The following RUNX2 variants were observed in gnomAD, a reference collection of about 807,000 sequenced individuals.
RUNX2 encodes RUNX family transcription factor 2, also known as runt-related transcription factor 2.
In RUNX2, 10 loss-of-function variants were observed where a neutral mutation model predicts 51.7. That is an observed-to-expected ratio of 0.19 (90% CI 0.12 to 0.33). RUNX2 has a LOEUF of 0.33. Ranked by LOEUF, RUNX2 falls within the 10% of genes least tolerant of loss-of-function variation. RUNX2 has a pLI of 1.00. For synonymous variants in RUNX2, 276 were observed against 273.6 expected (o/e 1.01, Z -0.09); for missense variants, 562 against 691.3 (o/e 0.81, Z 2.10).
intron 2 of RUNX2, among the ~76,000 whole-genome samples, chr6:45,373,782 A>C (rs1301847171): frequency 6.6e-6 from 1 of 152,048 alleles, no homozygotes; most frequent in East Asian, 1.9e-4. Context: ...CCAACTCCTG[A>C]CATCAAGTGA....
At chr6:45,543,805 A>G (rs534768151) in intron 7 of RUNX2, among the ~76,000 whole-genome samples, 7 of 152,168 alleles carry the variant, frequency 4.6e-5, no homozygotes, top group African/African-American at 1.7e-4. Flanking sequence ...AAGCACAGAC[A>G]CAACCTTATT....
intron 2 of RUNX2, among the ~76,000 whole-genome samples, chr6:45,410,495 A>G (rs1258641959): frequency 1.3e-5 from 2 of 152,344 alleles, no homozygotes; most frequent in East Asian, 3.9e-4. Flanking sequence ...TTCATCAACT[A>G]ATATATATTG....
At chr6:45,472,601 C>T (rs931288468) in intron 5 of RUNX2, among the ~76,000 whole-genome samples, 1 of 152,202 alleles carries the variant, frequency 6.6e-6, no homozygotes, top group African/African-American at 2.4e-5. Context: ...AGTCCCGGAG[C>T]AGCCTTTGGG....
At chr6:45,418,943 A>G (rs1349837090) in intron 2 of RUNX2, among the ~76,000 whole-genome samples, 2 of 152,234 alleles carry the variant, frequency 1.3e-5, no homozygotes, top group African/African-American at 2.4e-5. Context: ...CATAAAGCTG[A>G]GTTACTAGAT....
At chr6:45,379,882 T>C (rs79312278) in intron 2 of RUNX2, among the ~76,000 whole-genome samples, 9 of 150,770 alleles carry the variant, frequency 6.0e-5, no homozygotes, top group Admixed American at 4.0e-4. Context: ...AAAAAAAAAA[T>C]CACGCACAAC....
intron 2 of RUNX2, chr6:45,421,409 T>G (rs959114339): frequency 6.6e-6 from 1 of 151,684 alleles, no homozygotes; most frequent in Non-Finnish European, 1.5e-5. Flanking sequence ...CCCCCCCTCC[T>G]CATTTTTTTT....
At chr6:45,408,174 A>G (rs539151501) in intron 2 of RUNX2, among the ~76,000 whole-genome samples, 3 of 148,418 alleles carry the variant, frequency 2.0e-5, no homozygotes, top group African/African-American at 7.4e-5. Flanking sequence ...TTTATTTTTT[A>G]TTTTTTTTTG....
chr6:45,534,440 A>G (rs1200258415), intron 7 of RUNX2, among the ~76,000 whole-genome samples: 1 of 152,192 alleles, frequency 6.6e-6, no homozygotes, highest in East Asian at 1.9e-4. Flanking sequence ...GTGAAAACTT[A>G]AAAAGCAAAA....
intron 7 of RUNX2, among the ~76,000 whole-genome samples, chr6:45,514,063 C>T (rs1473627824): frequency 6.6e-6 from 1 of 152,170 alleles, no homozygotes; most frequent in Non-Finnish European, 1.5e-5. Context: ...GGGCTTCCAT[C>T]TGCCCAACCC....
chr6:45,416,461 A>C (rs1233024605), intron 2 of RUNX2, among the ~76,000 whole-genome samples: 1 of 152,206 alleles, frequency 6.6e-6, no homozygotes, highest in Non-Finnish European at 1.5e-5. Flanking sequence ...ACTTAAAGGC[A>C]ATATGTGAGC....
At chr6:45,391,833 A>G (rs941205218) in intron 2 of RUNX2, among the ~76,000 whole-genome samples, 3 of 152,312 alleles carry the variant, frequency 2.0e-5, no homozygotes, top group South Asian at 2.1e-4. Context: ...CTTGGGGATT[A>G]TGGGGATAAA....
chr6:45,541,802 A>G (rs1802238369), intron 7 of RUNX2, among the ~76,000 whole-genome samples: 1 of 152,324 alleles, frequency 6.6e-6, no homozygotes, highest in Non-Finnish European at 1.5e-5. Flanking sequence ...GGGGTTTCCC[A>G]GCTGACAGCC....
intron 2 of RUNX2, among the ~76,000 whole-genome samples, chr6:45,331,087 C>T (rs536454494): frequency 6.6e-6 from 1 of 150,598 alleles, no homozygotes; most frequent in South Asian, 2.1e-4. Flanking sequence ...AACTGCTTCA[C>T]CTCAAATACA....
chr6:45,493,019 A>G (rs903848737), intron 6 of RUNX2, among the ~76,000 whole-genome samples: 1 of 152,136 alleles, frequency 6.6e-6, no homozygotes, highest in African/African-American at 2.4e-5. Flanking sequence ...TTATGGTTAG[A>G]TTTTTGTTTA....
At chr6:45,375,289 G>T (rs1796626148) in intron 2 of RUNX2, among the ~76,000 whole-genome samples, 1 of 152,184 alleles carries the variant, frequency 6.6e-6, no homozygotes, top group Non-Finnish European at 1.5e-5. Context: ...AAGGCTAACA[G>T]TAGGGTGACA....
intron 7 of RUNX2, among the ~76,000 whole-genome samples, chr6:45,514,215 G>A (rs1801251222): frequency 6.6e-6 from 1 of 152,182 alleles, no homozygotes; most frequent in South Asian, 2.1e-4. Context: ...CACCAGGAAA[G>A]CCATTGAAAA....
intron 5 of RUNX2, among the ~76,000 whole-genome samples, chr6:45,460,328 G>A (rs1206014064): frequency 6.6e-6 from 1 of 152,166 alleles, no homozygotes; most frequent in Non-Finnish European, 1.5e-5. Flanking sequence ...CAAGAAGAAT[G>A]TCACCAACTG....
rs574609517 is a variant in RUNX2, at chr6:45,489,613, A to C, written c.686-2328A>C. Reference sequence around the variant, plus strand: ...CATTCCAAAAATATGGCCTATTAAGAAAAATAACTTCCAGGGACAATTCCG... The same window carrying C: ...CATTCCAAAAATATGGCCTATTAAGCAAAATAACTTCCAGGGACAATTCCG... On this transcript the variant is annotated intron_variant, in intron 5 of 8. Coordinates refer to ENST00000647337, the MANE Select transcript of RUNX2 (RefSeq NM_001024630.4). Among the ~76,000 whole-genome samples, 3 of 152,322 alleles carry C rather than the reference A, an allele frequency of 2.0e-5. No homozygotes were observed. In the South Asian group the frequency reaches 6.2e-4, roughly 32 times the overall value.
chr6:45,482,831 T>A (rs1441180261), intron 5 of RUNX2, among the ~76,000 whole-genome samples: 1 of 152,208 alleles, frequency 6.6e-6, no homozygotes, highest in East Asian at 1.9e-4. Flanking sequence ...TTTAGACCTG[T>A]CTTGGGTGAA....
Sources: allele counts gnomAD v4.1 joint callset (sites outside exome capture counted in the v4.1 genomes callset), GRCh38; gene constraint gnomAD v4.1.1; transcripts MANE v1.5; gene names NCBI Gene and HGNC (gene_info 2026-07-23, HGNC 2026-07-21).